The following TANC2 variants were observed in gnomAD, a reference collection of about 807,000 sequenced individuals.
TANC2 encodes the protein tetratricopeptide repeat, ankyrin repeat and coiled-coil containing 2.
A neutral mutation model predicts 210.5 loss-of-function variants in TANC2; 26 were observed. The ratio of observed to expected loss-of-function variants is 0.12; its 90% CI spans 0.09 to 0.17. The LOEUF (loss-of-function observed/expected upper bound fraction) is 0.17. Ranked by LOEUF, TANC2 falls within the 10% of genes least tolerant of loss-of-function variation. TANC2 has a pLI of 1.00. For missense variants in TANC2, 2,129 were observed against 2,608.9 expected, an observed-to-expected ratio of 0.82 and a Z score of 4.01; for synonymous variants, 931 against 967.1, an observed-to-expected ratio of 0.96 and a Z score of 0.69.
chr17:63,331,679 G>A (rs2146716430), intron 11 of TANC2, among the ~76,000 whole-genome samples: 1 of 152,306 alleles, frequency 6.6e-6, no homozygotes, highest in South Asian at 2.1e-4. Context: ...AGAGGGAAAA[G>A]TCAGTAGCAA....
At chr17:63,332,223 A>G in intron 11 of TANC2, 1 of 360,316 alleles carries the variant, frequency 2.8e-6, no homozygotes, top group Non-Finnish European at 5.4e-6. Context: ...TTTTGGCTAT[A>G]ATAACCTTTT....
chr17:63,264,591 T>G (rs2043467274), intron 8 of TANC2, among the ~76,000 whole-genome samples: 1 of 152,196 alleles, frequency 6.6e-6, no homozygotes, highest in South Asian at 2.1e-4. Flanking sequence ...TAAACTTATT[T>G]AATTGAGTAA....
At chr17:63,389,831 AG>A (rs2047906874) in intron 17 of TANC2, 15 of 389,218 alleles carry the variant, frequency 3.9e-5, no homozygotes, top group South Asian at 3.7e-4. Context: ...TGAGCTCAGA[AG>A]AAGCCTCTTT....
At chr17:63,346,514 CAG>C (rs2046415975) in intron 12 of TANC2, among the ~76,000 whole-genome samples, 1 of 152,106 alleles carries the variant, frequency 6.6e-6, no homozygotes, top group South Asian at 2.1e-4. Flanking sequence ...CATGAGTAAT[CAG>C]GGAGATGCAA....
chr17:63,329,111 CT>C (rs1479604299), intron 11 of TANC2, among the ~76,000 whole-genome samples: 1 of 152,072 alleles, frequency 6.6e-6, no homozygotes, highest in Non-Finnish European at 1.5e-5. Context: ...CACAGTGCCA[CT>C]TTCTGAAATG....
chr17:63,195,706 C>A (rs1567805134), intron 6 of TANC2, among the ~76,000 whole-genome samples: 1 of 152,178 alleles, frequency 6.6e-6, no homozygotes. Flanking sequence ...TCTTGCCCCC[C>A]TGTAGTCTGT....
At chr17:63,388,716 G>A (rs746084906) in exon 16 of TANC2, 1 of 1,590,088 alleles carries the variant, frequency 6.3e-7, no homozygotes. Context: ...TCTTTCCATG[G>A]CACTGGCGTC....
chr17:63,154,615 A>C (rs1035721609), intron 5 of TANC2: 1 of 152,100 alleles, frequency 6.6e-6, no homozygotes, highest in Non-Finnish European at 1.5e-5. Context: ...ATTTTAAATC[A>C]GTTTAATATA....
rs1406778272 is a variant in TANC2 at position 62,966,524 on chromosome 17, G to A, written c.-249G>A. ...GCCGCCGAGCCGAGCCGAGGGGCGAGAGCTGGCCCCCGAGCCGCCGCTGAC... is the reference window on the plus strand; with the variant it reads ...GCCGCCGAGCCGAGCCGAGGGGCGAAAGCTGGCCCCCGAGCCGCCGCTGAC... On this transcript the variant is annotated 5_prime_UTR_variant, in exon 1 of 28. Transcript: ENST00000689528. This position sits in a 1 kb window ranked among gnomAD's most constrained non-coding sequence, Gnocchi z 5.1. 2.7e-5 allele frequency among the ~76,000 whole-genome samples: 4 copies of A among 149,920 alleles called. No homozygotes were observed. Among genetic ancestry groups the A allele is most frequent in the Non-Finnish European group, 5.9e-5 (4 of 67,244 alleles).
intron 17 of TANC2, chr17:63,393,577 A>G (rs2048048523): frequency 1.3e-5 from 2 of 152,166 alleles, no homozygotes; most frequent in East Asian, 1.9e-4. Flanking sequence ...TTGACCCCCA[A>G]CAGGCATCTA....
intron 18 of TANC2, chr17:63,396,534 CTG>C (rs2048163414): frequency 6.5e-6 from 1 of 154,240 alleles, no homozygotes; most frequent in Admixed American, 6.3e-5. Flanking sequence ...TAACAACCAA[CTG>C]TGAAGAGGGG....
chr17:63,379,946 T>C (rs2047551966), intron 15 of TANC2, 120 bp downstream of exon 15: 1 of 783,136 alleles, frequency 1.3e-6, no homozygotes, highest in South Asian at 1.8e-5. Flanking sequence ...CAAACTTGGT[T>C]CATCTCCCAA....
chr17:63,060,784 CAT>C (rs1198202155), intron 2 of TANC2, among the ~76,000 whole-genome samples: 3 of 152,160 alleles, frequency 2.0e-5, no homozygotes, highest in Non-Finnish European at 2.9e-5. Flanking sequence ...TGAGTTTTTA[CAT>C]GTTGATAGCA....
chr17:63,314,677 T>C lies in TANC2; in HGVS notation c.1441+8T>C. 6.2e-7 allele frequency: 1 copy of C among 1,610,020 alleles called. No individual in the cohort carries two copies. The highest frequency in any genetic ancestry group is 8.5e-7 in the Non-Finnish European group (1 of 1,177,004). On this transcript the variant is annotated splice_region_variant and intron_variant, in intron 10 of 27. Transcript: ENST00000689528. ...CACATGCCTCCCCCAAACGTACGTA[T>C]TCCTTTTTAAAGAACTCCCTGTTTC...
chr17:63,248,626 A>G (rs147045176), intron 8 of TANC2, among the ~76,000 whole-genome samples: 2 of 152,248 alleles, frequency 1.3e-5, no homozygotes, highest in Non-Finnish European at 2.9e-5. Context: ...ATCACCTTCT[A>G]TTGCCTAAGC....
chr17:62,992,238 G>A (rs1458023135), intron 1 of TANC2, among the ~76,000 whole-genome samples: 1 of 152,146 alleles, frequency 6.6e-6, no homozygotes, highest in African/African-American at 2.4e-5. Context: ...GATACCCAAG[G>A]ATGATTGTAT....
At chr17:63,329,544 A>G (rs989958975) in intron 11 of TANC2, among the ~76,000 whole-genome samples, 4 of 152,054 alleles carry the variant, frequency 2.6e-5, no homozygotes, top group African/African-American at 9.7e-5. Context: ...TGTCAACACC[A>G]TTTTTCTGAG....
chr17:63,230,047 C>G (rs2042431254), intron 7 of TANC2, among the ~76,000 whole-genome samples: 1 of 152,166 alleles, frequency 6.6e-6, no homozygotes, highest in Admixed American at 6.5e-5. Flanking sequence ...CCTTTCACCT[C>G]AACCTCCCAA....
intron 2 of TANC2, 66 bp from the exon 3 acceptor site, chr17:63,073,877 A>G: frequency 1.6e-6 from 2 of 1,277,508 alleles, no homozygotes. Flanking sequence ...AATGTAGATA[A>G]TGTCAGAGAC....
Sources: gnomAD v4.1 joint callset for allele counts (sites outside exome capture counted in the v4.1 genomes callset) on GRCh38, gnomAD v4.1.1 for gene constraint, Gnocchi (gnomAD v3.1) non-coding constraint, MANE v1.5 for transcripts, NCBI Gene and HGNC (gene_info 2026-07-23, HGNC 2026-07-21) for gene names.